The following TG variants were observed in gnomAD, a reference collection of about 807,000 sequenced individuals.
TG encodes the protein thyroglobulin.
A neutral mutation model predicts 324.7 loss-of-function variants in TG; 270 were observed. The observed-to-expected ratio is 0.83, with a 90% confidence interval of 0.75 to 0.92. TG has a LOEUF of 0.92. Ranked by LOEUF, TG falls within the 40% of genes least tolerant of loss-of-function variation. The pLI is 0.00. For synonymous variants in TG, 1,401 were observed against 1,327.0 expected (o/e 1.06, Z -1.21); for missense variants, 3,591 against 3,456.4 (o/e 1.04, Z -0.98).
At chr8:132,996,997 A>G (rs999784058) in intron 35 of TG, among the ~76,000 whole-genome samples, 1 of 152,212 alleles carries the variant, frequency 6.6e-6, no homozygotes, top group Non-Finnish European at 1.5e-5. Flanking sequence ...AAACTCAGAC[A>G]CTACGTTTTT....
chr8:133,087,991 C>T lies in TG; in HGVS notation c.7240-7053C>T, dbSNP rs73708841. 5.8e-3 allele frequency among the ~76,000 whole-genome samples: 890 copies of T among 152,206 alleles called. 4 individuals are homozygous for T. The highest frequency in any genetic ancestry group is 0.02 in the African/African-American group (831 of 41,518). On this transcript the variant is annotated intron_variant, in intron 41 of 47. Transcript: ENST00000220616. ...AAATTCTTCTTGGAATGAAGTGGGCCGTACACAGAAGAATGATTAAGAAAG... is the reference window on the plus strand; with the variant it reads ...AAATTCTTCTTGGAATGAAGTGGGCTGTACACAGAAGAATGATTAAGAAAG...
rs369112823 is a variant in TG at position 132,901,541 on chromosome 8, C to G, written c.3622C>G (p.Pro1208Ala). 6.2e-7 allele frequency: 1 copy of G among 1,613,082 alleles called. No homozygotes were observed. The highest frequency in any genetic ancestry group is 2.2e-5 in the East Asian group (1 of 44,876). ...TGGGACGCGCGTGACCGGGGGCCAG[C>G]CCGCCTGTGAGAGTAAGTCATGACC... ...VPGTRVTGGQPACESPRCPLP... is the reference protein window; with the variant it reads ...VPGTRVTGGQAACESPRCPLP... The change falls in exon 16 of 48, where the codon CCC becomes GCC. Residue 1208 changes from proline (P) to alanine (A), a missense_variant. By Grantham distance (27) the Pro-to-Ala change is conservative (BLOSUM62 -1). Coordinates refer to ENST00000220616, the MANE Select transcript of TG (RefSeq NM_003235.5).
At chr8:133,059,004 G>T in intron 41 of TG, 1 of 462,230 alleles carries the variant, frequency 2.2e-6, no homozygotes, top group Non-Finnish European at 4.3e-6. Context: ...GTCCATTTTG[G>T]AAGCAGTGAG....
At chr8:132,978,215 A>G (rs1279147152) in intron 34 of TG, among the ~76,000 whole-genome samples, 1 of 152,250 alleles carries the variant, frequency 6.6e-6, no homozygotes, top group Non-Finnish European at 1.5e-5. Flanking sequence ...TCACATGATG[A>G]CAGTGAGAGA....
Position 132,901,440 on chromosome 8 carries a change from G to A in TG, c.3521G>A (p.Gly1174Glu). ...GYVPACRAED[G>E]GFSPVQCDQA... ...GTCCCAGCCTGCAGGGCAGAGGATG[G>A]GGGCTTTTCCCCAGTGCAATGTGAC... Residue 1174 changes from glycine to glutamate, a missense_variant, in exon 16 of 48, where the codon GGG becomes GAG. By Grantham distance (98) the Gly-to-Glu change is moderately conservative. Coordinates refer to ENST00000220616, the MANE Select transcript of TG (RefSeq NM_003235.5). The A allele has an allele frequency of 1.2e-6, 2 of 1,614,258 alleles. No individual in the cohort carries two copies. The highest frequency in any genetic ancestry group is 1.7e-6 in the Non-Finnish European group (2 of 1,180,050).
chr8:132,920,598 A>G lies in TG; in HGVS notation c.4528+1073A>G, dbSNP rs143458365. Among the ~76,000 whole-genome samples the G allele has an allele frequency of 2.6e-5, 4 of 152,322 alleles. No individual in the cohort carries two copies. The East Asian group carries it at 7.7e-4, about 29-fold the overall frequency. ...ATGACTTGAGTACTTGTAGTTTGAG[A>G]TGACTTGAAGTGCTATCAAAATACC... On this transcript the variant is annotated intron_variant, in intron 21 of 47. Transcript: ENST00000220616.
At chr8:132,982,303 A>G (rs1309576180) in intron 34 of TG, among the ~76,000 whole-genome samples, 4 of 152,304 alleles carry the variant, frequency 2.6e-5, no homozygotes, top group African/African-American at 9.6e-5. Flanking sequence ...ACTGCTGGCC[A>G]TGCTACATTG....
chr8:133,028,398 G>A (rs560760299), intron 40 of TG, among the ~76,000 whole-genome samples: 1 of 152,230 alleles, frequency 6.6e-6, no homozygotes, highest in African/African-American at 2.4e-5. Flanking sequence ...CATCTCCACA[G>A]CTGGAAGAAT....
chr8:133,061,659 G>A (rs950685775), intron 41 of TG, among the ~76,000 whole-genome samples: 2 of 152,142 alleles, frequency 1.3e-5, no homozygotes, highest in Non-Finnish European at 2.9e-5. Flanking sequence ...TCCCCCCATC[G>A]GCCTCCAGCC....
At chr8:133,020,692 C>A (rs549726293) in intron 39 of TG, among the ~76,000 whole-genome samples, 1 of 152,272 alleles carries the variant, frequency 6.6e-6, no homozygotes, top group South Asian at 2.1e-4. Flanking sequence ...CAGGTCAGCC[C>A]CTTCCTCTCT....
intron 27 of TG, among the ~76,000 whole-genome samples, chr8:132,949,773 G>A (rs1369582194): frequency 6.6e-6 from 1 of 152,124 alleles, no homozygotes; most frequent in African/African-American, 2.4e-5. Flanking sequence ...GCATCTCTGC[G>A]ATCATCTGCC....
rs199634654 is a variant in TG, at chr8:132,886,455, C to A, written c.1083C>A (p.Gly361=). 4.3e-6 allele frequency: 7 copies of A among 1,614,164 alleles called. No homozygotes were observed. Among genetic ancestry groups the A allele is most frequent in the Non-Finnish European group, 5.9e-6 (7 of 1,180,012 alleles). The change falls in exon 9 of 48, where the codon GGC becomes GGA. Residue 361 remains glycine, a synonymous_variant. Transcript: ENST00000220616. ...QQGEPPSCAE[G]QSCASERQQA... ...TCACTTTGTCTCATGCAGCTGAAGG[C>A]CAATCTTGTGCCTCCGAAAGGCAGC...
At chr8:132,867,182 T>C in intron 1 of TG, 115 bp downstream of exon 1, 1 of 949,596 alleles carries the variant, frequency 1.1e-6, no homozygotes, top group Non-Finnish European at 1.6e-6. Context: ...AATTCCCACA[T>C]GTCAGTGATT....
chr8:133,014,269 G>C (rs183263159), intron 37 of TG, among the ~76,000 whole-genome samples: 1 of 152,180 alleles, frequency 6.6e-6, no homozygotes, highest in Non-Finnish European at 1.5e-5. Context: ...CCTAACTATC[G>C]CATCTAAACA....
chr8:133,074,223 C>T (rs1254161911), intron 41 of TG, among the ~76,000 whole-genome samples: 1 of 152,094 alleles, frequency 6.6e-6, no homozygotes, highest in Non-Finnish European at 1.5e-5. Flanking sequence ...ATACACATAC[C>T]ACCTGCTCAG....
intron 25 of TG, among the ~76,000 whole-genome samples, chr8:132,940,220 A>AT: frequency 6.6e-6 from 1 of 152,270 alleles, no homozygotes; most frequent in Non-Finnish European, 1.5e-5. Flanking sequence ...GGGAGGTCAG[A>AT]GTGGTGAAGG....
intron 41 of TG, among the ~76,000 whole-genome samples, chr8:133,064,385 C>T (rs540238195): frequency 7.2e-5 from 11 of 152,232 alleles, no homozygotes; most frequent in Admixed American, 2.0e-4. Context: ...TGTGTACAAC[C>T]ACCTTCTGTG....
At chr8:132,993,177 G>T (rs1037954950) in intron 35 of TG, among the ~76,000 whole-genome samples, 1 of 152,216 alleles carries the variant, frequency 6.6e-6, no homozygotes, top group African/African-American at 2.4e-5. Context: ...TTAAATAATA[G>T]ATATAAGTCT....
rs1819792494 is a variant in TG at position 132,913,282 on chromosome 8, C to T, written c.4378+17C>T. The T allele has an allele frequency of 2.5e-6, 4 of 1,612,426 alleles. No individual in the cohort carries two copies. In the East Asian group the frequency reaches 8.9e-5, roughly 36 times the overall value. On this transcript the variant is annotated intron_variant, in intron 20 of 47. Coordinates refer to ENST00000220616, the MANE Select transcript of TG (RefSeq NM_003235.5). The stretch of plus-strand genomic sequence containing the variant: ...TGGGATGCGGTAGGTCCACTCTCTC[C>T]CTGGATATCTCCTGTGGAGCCATGT...
Sources: gnomAD v4.1 joint callset for allele counts (sites outside exome capture counted in the v4.1 genomes callset) on GRCh38, gnomAD v4.1.1 for gene constraint, MANE v1.5 for transcripts, NCBI Gene and HGNC (gene_info 2026-07-23, HGNC 2026-07-21) for gene names.